SORCS2: variants seen among roughly 807,000 people sequenced by gnomAD.
SORCS2 encodes sortilin related VPS10 domain containing receptor 2.
Under a neutral mutation model 141.6 loss-of-function variants are expected in SORCS2, and 100 were observed. The ratio of observed to expected loss-of-function variants is 0.71; its 90% CI spans 0.60 to 0.83. SORCS2 has a LOEUF of 0.83. Among genes scored for constraint, SORCS2 ranks in the 40% least tolerant of loss-of-function variants. The pLI, the probability that SORCS2 is intolerant of heterozygous loss-of-function variation, is 0.00. For synonymous variants in SORCS2, 789 were observed against 676.9 expected (o/e 1.17, Z -2.57); for missense variants, 1,646 against 1,560.2 (o/e 1.05, Z -0.93).
chr4:7,707,976 G>A (rs757247), intron 14 of SORCS2, among the ~76,000 whole-genome samples: 133,171 of 152,214 alleles, frequency 0.87, 58,439 homozygotes, highest in East Asian at 1. Context: ...TCCCTGGACA[G>A]TGGACTGCAC....
In SORCS2 at chr4:7,663,094, ATGAG is replaced by A. The variant is rs1722278843; in HGVS notation, c.953-1257_953-1254del. ...GGTGAATGAGTGAGTGAGTGAGTGA[ATGAG>A]TAAGTGAATGAGAGAATGAGTGAGT... On this transcript the variant is annotated intron_variant, in intron 6 of 26. Transcript: ENST00000507866. This position sits in a 1 kb window ranked among gnomAD's most constrained non-coding sequence, Gnocchi z 4.8. Among the ~76,000 whole-genome samples, 1 of 149,726 alleles carries A rather than the reference ATGAG, an allele frequency of 6.7e-6. No homozygotes were observed. Among genetic ancestry groups the A allele is most frequent in the Non-Finnish European group, 1.5e-5 (1 of 67,560 alleles).
At chr4:7,481,428 G>T (rs562892233) in intron 2 of SORCS2, among the ~76,000 whole-genome samples, 1 of 152,302 alleles carries the variant, frequency 6.6e-6, no homozygotes, top group East Asian at 1.9e-4. Context: ...GTGGCCTCTA[G>T]GCGGAGGTCG....
At chr4:7,687,465 TCA>T (rs1262258443) in intron 10 of SORCS2, among the ~76,000 whole-genome samples, 3 of 152,142 alleles carry the variant, frequency 2.0e-5, no homozygotes, top group Admixed American at 6.5e-5. Context: ...TCTTAACACC[TCA>T]CAGGTTTTCA....
chr4:7,432,058 AG>A (rs35810548), intron 2 of SORCS2: 1 of 152,472 alleles, frequency 6.6e-6, no homozygotes, highest in Non-Finnish European at 1.5e-5. Context: ...GCTCTCCTGG[AG>A]GGGGCACAGT....
At chr4:7,584,334 A>G (rs1018515668) in intron 3 of SORCS2, among the ~76,000 whole-genome samples, 2 of 152,216 alleles carry the variant, frequency 1.3e-5, no homozygotes, top group Non-Finnish European at 2.9e-5. Flanking sequence ...TCTTGACCCT[A>G]CAGTTGGGTC....
intron 1 of SORCS2, among the ~76,000 whole-genome samples, chr4:7,384,013 G>C (rs571674396): frequency 6.5e-4 from 99 of 152,314 alleles, no homozygotes; most frequent in African/African-American, 2.3e-3. Context: ...TGATTTATGA[G>C]GCCCTTTCTT....
chr4:7,565,894 G>C (rs1714955427), intron 3 of SORCS2, among the ~76,000 whole-genome samples: 1 of 149,074 alleles, frequency 6.7e-6, no homozygotes, highest in African/African-American at 2.5e-5. Flanking sequence ...GATGATGGTG[G>C]TGATAGTGAT....
At chr4:7,482,698 T>C (rs1288958617) in intron 2 of SORCS2, among the ~76,000 whole-genome samples, 5 of 88,770 alleles carry the variant, frequency 5.6e-5, no homozygotes, top group South Asian at 5.2e-4. Context: ...GTATCCCCAC[T>C]GCGGACACCC....
At chr4:7,602,147 C>A (rs1248760732) in intron 3 of SORCS2, among the ~76,000 whole-genome samples, 1 of 152,274 alleles carries the variant, frequency 6.6e-6, no homozygotes, top group Non-Finnish European at 1.5e-5. Context: ...ACAAAACCGC[C>A]ATCGTCATCA....
At chr4:7,699,260 T>C (rs568526039) in intron 12 of SORCS2, among the ~76,000 whole-genome samples, 1 of 152,286 alleles carries the variant, frequency 6.6e-6, no homozygotes, top group East Asian at 1.9e-4. Context: ...CTGAAGAGCC[T>C]GCAGCCTGCC....
intron 1 of SORCS2, among the ~76,000 whole-genome samples, chr4:7,212,725 C>G (rs139439477): frequency 6.2e-4 from 94 of 152,368 alleles, no homozygotes; most frequent in African/African-American, 2.1e-3. Flanking sequence ...GGCCAGGGAG[C>G]TGAAACGCTT....
At chr4:7,497,967 G>A (rs1476239973) in intron 2 of SORCS2, among the ~76,000 whole-genome samples, 2 of 152,260 alleles carry the variant, frequency 1.3e-5, no homozygotes, top group Non-Finnish European at 2.9e-5. Context: ...CTGGAAGCGG[G>A]TGATGGAGAA....
chr4:7,331,742 G>A (rs774824312), intron 1 of SORCS2, among the ~76,000 whole-genome samples: 6 of 152,212 alleles, frequency 3.9e-5, no homozygotes, highest in Non-Finnish European at 7.3e-5. Context: ...GGTGGCTGAC[G>A]AAGCGGGTCT....
chr4:7,433,464 G>A (rs747468581), intron 2 of SORCS2: 1 of 1,567,834 alleles, frequency 6.4e-7, no homozygotes, highest in Admixed American at 1.8e-5. Flanking sequence ...GTGGGGTCCT[G>A]GGGCCGTGGC....
chr4:7,395,906 C>T (rs1239334576), intron 1 of SORCS2, among the ~76,000 whole-genome samples: 1 of 152,192 alleles, frequency 6.6e-6, no homozygotes, highest in Non-Finnish European at 1.5e-5. Context: ...AGCCCTGTCT[C>T]CAGAAGCCTT....
chr4:7,256,759 C>T (rs1182536232), intron 1 of SORCS2, among the ~76,000 whole-genome samples: 7 of 117,950 alleles, frequency 5.9e-5, no homozygotes, highest in Non-Finnish European at 8.5e-5. Flanking sequence ...ATGGGGGTGT[C>T]GGGAAAGGGG....
intron 11 of SORCS2, among the ~76,000 whole-genome samples, chr4:7,691,331 C>T (rs1306300143): frequency 2.0e-5 from 3 of 152,146 alleles, no homozygotes; most frequent in Admixed American, 6.5e-5. Context: ...AGTGAAAGAG[C>T]GGCCATGTTG....
chr4:7,267,764 G>A (rs950969395), intron 1 of SORCS2, among the ~76,000 whole-genome samples: 2 of 152,190 alleles, frequency 1.3e-5, no homozygotes, highest in Non-Finnish European at 2.9e-5. Context: ...TCTGGGAGAC[G>A]GAGGTTGCAG....
intron 1 of SORCS2, among the ~76,000 whole-genome samples, chr4:7,203,285 G>T (rs7689187): frequency 3.3e-5 from 5 of 152,198 alleles, no homozygotes; most frequent in African/African-American, 1.2e-4. Context: ...TTAGCCGGGC[G>T]TGATGGCACA....
Sources: gnomAD v4.1 joint callset for allele counts (sites outside exome capture counted in the v4.1 genomes callset) on GRCh38, gnomAD v4.1.1 for gene constraint, Gnocchi (gnomAD v3.1) non-coding constraint, MANE v1.5 for transcripts, NCBI Gene and HGNC (gene_info 2026-07-23, HGNC 2026-07-21) for gene names.